The following MFSD1 variants were observed in gnomAD, a reference collection of about 807,000 sequenced individuals.
The protein encoded by MFSD1 is lysosomal dipeptide transporter MFSD1.
MFSD1 carries 59 observed loss-of-function variants against 67.1 expected under a neutral mutation model. The ratio of observed to expected loss-of-function variants is 0.88; its 90% CI spans 0.71 to 1.09. The LOEUF is 1.09. Ranked by LOEUF, MFSD1 falls within the 50% of genes least tolerant of loss-of-function variation. The probability of loss-of-function intolerance (pLI) is 0.00; values close to 1 mark genes in which losing one functional copy is unlikely to be tolerated. For synonymous variants in MFSD1, 213 were observed against 200.3 expected (o/e 1.06, Z -0.54); for missense variants, 552 against 566.1 (o/e 0.97, Z 0.25).
chr3:158,805,391 G>C lies in MFSD1; in HGVS notation c.246G>C (p.Met82Ile), dbSNP rs760476615. The change falls in exon 3 of 16, where the codon ATG (methionine) becomes ATC (isoleucine). Residue 82 changes from methionine (M) to isoleucine (I), a missense_variant. Physicochemically the swap from Met to Ile is conservative, Grantham distance 10 (BLOSUM62 1). Transcript: ENST00000415822. ...TGCAAGTGAATACCACGAAATTCAT[G>C]CTGCTGTATGCCTGGTATTCTTGGC... ...RDMQVNTTKF[M>I]LLYAWYSWPN... 1 of 1,614,026 alleles carries C rather than the reference G, an allele frequency of 6.2e-7. No individual in the cohort carries two copies. Among genetic ancestry groups the C allele is most frequent in the Admixed American group, 1.7e-5 (1 of 60,024 alleles).
Position 158,829,572 on chromosome 3 carries a change from T to C in MFSD1, c.*590T>C, listed in dbSNP as rs1731208338. On this transcript the variant is annotated 3_prime_UTR_variant, in exon 16 of 16. Coordinates refer to ENST00000415822, the MANE Select transcript of MFSD1 (RefSeq NM_022736.4). ...CCTTTTCAATTTCTTATTTCTGTGT[T>C]ACTGAGGACCCTAATCACTTAGGGA... 6.6e-6 allele frequency: 1 copy of C among 152,222 alleles called. No individual in the cohort carries two copies. Among genetic ancestry groups the C allele is most frequent in the African/African-American group, 2.4e-5 (1 of 41,468 alleles). 9.4% of individuals were successfully genotyped at this position (152,222 alleles called of 1,614,324 possible).
intron 11 of MFSD1, 26 bp from the exon 12 acceptor site, chr3:158,823,402 G>T: frequency 6.7e-7 from 1 of 1,491,816 alleles, no homozygotes; most frequent in South Asian, 1.1e-5. Flanking sequence ...GTAAGACTGT[G>T]ACCTTTTCTG....
At chr3:158,810,926 G>A (rs540728395) in intron 6 of MFSD1, among the ~76,000 whole-genome samples, 1 of 152,264 alleles carries the variant, frequency 6.6e-6, no homozygotes, top group African/African-American at 2.4e-5. Context: ...AGATATGTCT[G>A]TGGCAGTTTG....
rs746239757 is a variant in MFSD1, at chr3:158,819,633, T to C, written c.653-16T>C. On this transcript the variant is annotated splice_polypyrimidine_tract_variant and intron_variant, in intron 7 of 15. Transcript: ENST00000415822. ...TTTTCAAAGTCTGTTTTTCTTTTTT[T>C]TTTTTTTTTATTTAGGGGGTATAAC... 44 of 1,326,424 alleles carry C rather than the reference T, an allele frequency of 3.3e-5. No homozygotes were observed. In the South Asian group the frequency reaches 4.3e-4, roughly 13 times the overall value. The allele number at this position is 1,326,424 out of a possible 1,614,324, so 82.2% of individuals were successfully genotyped here. A position where few individuals can be genotyped will look rare whatever the true frequency, so the allele number is the denominator to read the frequency against.
intron 15 of MFSD1, among the ~76,000 whole-genome samples, chr3:158,827,898 CAG>C (rs151289408): frequency 0.052 from 6,567 of 125,204 alleles, 770 homozygotes; most frequent in African/African-American, 0.19. Flanking sequence ...GAGAGAGACA[CAG>C]AGAGAGAGAG....
chr3:158,819,903 T>G (rs1397862817), intron 8 of MFSD1, among the ~76,000 whole-genome samples, 156 bp downstream of exon 8: 1 of 152,194 alleles, frequency 6.6e-6, no homozygotes, highest in African/African-American at 2.4e-5. Context: ...CTTTTCTAAA[T>G]TTTTAGATGT....
chr3:158,820,762 C>T (rs1014932118), intron 9 of MFSD1, among the ~76,000 whole-genome samples: 8 of 152,130 alleles, frequency 5.3e-5, no homozygotes, highest in East Asian at 1.9e-4. Flanking sequence ...CATCAAATCT[C>T]GTGAGAACTC....
At chr3:158,816,932 C>A (rs7622103) in intron 7 of MFSD1, among the ~76,000 whole-genome samples, 47,768 of 148,806 alleles carry the variant, frequency 0.32, 7,734 homozygotes, top group Middle Eastern at 0.4. Context: ...GCTTGTTTTT[C>A]TCAGGTTTGT....
chr3:158,822,442 A>G (rs1185257615), intron 11 of MFSD1: 1 of 180,542 alleles, frequency 5.5e-6, no homozygotes, highest in Non-Finnish European at 1.1e-5. Context: ...TTGTTTTTCT[A>G]AAATAGGTGA....
intron 8 of MFSD1, 66 bp downstream of exon 8, chr3:158,819,813 C>G: frequency 1.2e-6 from 1 of 852,528 alleles, no homozygotes; most frequent in East Asian, 2.6e-5. Flanking sequence ...ATAATGAGAT[C>G]TAAGTTCCTA....
chr3:158,824,256 AC>A lies in MFSD1; in HGVS notation c.1288+21del. ...TTTCTTGTGAGTATTCCGTATGACA[AC>A]ATTTTGTTTCTTTTACTACATAACA... is the stretch of plus-strand genomic sequence containing the variant. On this transcript the variant is annotated intron_variant, in intron 13 of 15. Transcript: ENST00000415822. 1 of 1,528,774 alleles carries A rather than the reference AC, an allele frequency of 6.5e-7. No individual in the cohort carries two copies. The highest frequency in any genetic ancestry group is 9.0e-7 in the Non-Finnish European group (1 of 1,110,162). The allele number at this position is 1,528,774 out of a possible 1,614,324, so 94.7% of individuals were successfully genotyped here. A position where few individuals can be genotyped will look rare whatever the true frequency, so the allele number is the denominator to read the frequency against.
At chr3:158,827,845 G>A (rs1341670796) in intron 15 of MFSD1, among the ~76,000 whole-genome samples, 7 of 149,090 alleles carry the variant, frequency 4.7e-5, no homozygotes, top group Admixed American at 1.4e-4. Context: ...GGCTTGAAAC[G>A]AAGAAAAAAA....
intron 11 of MFSD1, 32 bp downstream of exon 11, chr3:158,822,172 G>A (rs6793618): frequency 0.16 from 255,627 of 1,575,432 alleles, 22,521 homozygotes; most frequent in African/African-American, 0.28. Context: ...GGTGGGGTCA[G>A]GGCTTCAGCA....
intron 6 of MFSD1, among the ~76,000 whole-genome samples, chr3:158,809,975 G>A (rs1729918383): frequency 6.6e-6 from 1 of 152,124 alleles, no homozygotes; most frequent in Admixed American, 6.5e-5. Flanking sequence ...TGATCATGGT[G>A]TTTCAGGTTT....
chr3:158,821,458 GA>G (rs1382416764), intron 9 of MFSD1, 138 bp from the exon 10 acceptor site: 5 of 606,358 alleles, frequency 8.2e-6, no homozygotes, highest in Non-Finnish European at 1.2e-5. Context: ...CAGATTGCCT[GA>G]AGGTGAATAT....
chr3:158,824,557 T>G (rs1466851833), intron 13 of MFSD1: 1 of 190,986 alleles, frequency 5.2e-6, no homozygotes. Context: ...GTTGGTGTGA[T>G]TTAGGTGTGA....
At chr3:158,813,034 C>A (rs769099469) in intron 6 of MFSD1, among the ~76,000 whole-genome samples, 3 of 151,868 alleles carry the variant, frequency 2.0e-5, no homozygotes, top group Non-Finnish European at 4.4e-5. Flanking sequence ...ATTTTATATT[C>A]TCCTTTCCAG....
In MFSD1 at chr3:158,827,976, G is replaced by GAGAGAGAGAGAGAC. The variant is rs1553759912; in HGVS notation, c.1394+642_1394+643insGAGAGAGAGACAGA. ...AGAGAGAGAGAGAGAGAGAGAGAGA[G>GAGAGAGAGAGAGAC]AGACAGAGATCGATCTATATTACTT... On this transcript the variant is annotated intron_variant, in intron 15 of 15. Transcript: ENST00000415822. Among the ~76,000 whole-genome samples the GAGAGAGAGAGAGAC allele has an allele frequency of 5.3e-4, 42 of 78,856 alleles. 3 individuals are homozygous for GAGAGAGAGAGAGAC. Among genetic ancestry groups the GAGAGAGAGAGAGAC allele is most frequent in the East Asian group, 8.5e-4 (2 of 2,344 alleles). The allele number at this position is 78,856 out of a possible 152,430, so 51.7% of individuals were successfully genotyped here.
Position 158,827,420 on chromosome 3 carries a change from GTTTTTTT to G in MFSD1, c.1394+94_1394+100del, listed in dbSNP as rs61485884. The G allele has an allele frequency of 8.4e-6, 4 of 477,390 alleles. No homozygotes were observed. The Admixed American group carries it at 1.8e-4, about 22-fold the overall frequency. 29.6% of individuals were successfully genotyped at this position (477,390 alleles called of 1,614,324 possible). A position where few individuals can be genotyped will look rare whatever the true frequency, so the allele number is the denominator to read the frequency against. On this transcript the variant is annotated intron_variant, in intron 15 of 15. Transcript: ENST00000415822. ...TTCGTTTCAAGGTTTGGGCTTTGAA[GTTTTTTT>G]TTTTTTTTTTGATTCCCATGCTTGT...
Sources: gnomAD v4.1 joint callset for allele counts (sites outside exome capture counted in the v4.1 genomes callset) on GRCh38, gnomAD v4.1.1 for gene constraint, MANE v1.5 for transcripts, NCBI Gene and HGNC (gene_info 2026-07-23, HGNC 2026-07-21) for gene names.